BBS9: variants seen among roughly 807,000 people sequenced by gnomAD.
The protein encoded by BBS9 is protein PTHB1.
BBS9 carries 89 observed loss-of-function variants against 117.7 expected under a neutral mutation model. That is an observed-to-expected ratio of 0.76 (90% CI 0.64 to 0.90). The LOEUF (loss-of-function observed/expected upper bound fraction) is 0.90, where lower values mean the gene tolerates loss of function less well. Ranked by LOEUF, BBS9 falls within the 40% of genes least tolerant of loss-of-function variation. BBS9 has a pLI of 0.00. For missense variants in BBS9, 982 were observed against 1,042.2 expected (o/e 0.94, Z 0.80); for synonymous variants, 379 against 370.9 (o/e 1.02, Z -0.25).
chr7:33,134,181 T>G (rs564010000), intron 1 of BBS9, among the ~76,000 whole-genome samples: 36 of 151,568 alleles, frequency 2.4e-4, no homozygotes, highest in Non-Finnish European at 4.4e-4. Context: ...TCCCAAGTAA[T>G]TGGGCTTACA....
intron 19 of BBS9, among the ~76,000 whole-genome samples, chr7:33,412,480 T>C (rs1283382435): frequency 6.6e-6 from 1 of 152,174 alleles, no homozygotes; most frequent in African/African-American, 2.4e-5. Flanking sequence ...GACCAGGAAA[T>C]TATTTTGCTA....
intron 21 of BBS9, among the ~76,000 whole-genome samples, chr7:33,569,040 T>C (rs895775269): frequency 6.6e-6 from 1 of 152,038 alleles, no homozygotes; most frequent in Non-Finnish European, 1.5e-5. Flanking sequence ...TATAAATAAA[T>C]AGATCAATAA....
At chr7:33,577,554 A>G (rs1859130182) in intron 21 of BBS9, among the ~76,000 whole-genome samples, 1 of 152,240 alleles carries the variant, frequency 6.6e-6, no homozygotes, top group Non-Finnish European at 1.5e-5. Flanking sequence ...ATTACTGGGT[A>G]TATACCCAAA....
intron 5 of BBS9, among the ~76,000 whole-genome samples, chr7:33,188,491 G>A (rs1242807087): frequency 6.6e-6 from 1 of 152,156 alleles, no homozygotes; most frequent in Non-Finnish European, 1.5e-5. Context: ...AGGATATAGT[G>A]CTCTTCAAGA....
At chr7:33,331,397 A>G (rs1814009225) in intron 9 of BBS9, among the ~76,000 whole-genome samples, 1 of 152,198 alleles carries the variant, frequency 6.6e-6, no homozygotes, top group Non-Finnish European at 1.5e-5. Flanking sequence ...TTTATTCAAC[A>G]TAGTACTGGA....
chr7:33,378,160 G>A (rs1170001366), intron 17 of BBS9, among the ~76,000 whole-genome samples: 5 of 152,044 alleles, frequency 3.3e-5, no homozygotes, highest in African/African-American at 1.2e-4. Context: ...CCACCCATTT[G>A]TCTTTATCAC....
intron 21 of BBS9, among the ~76,000 whole-genome samples, chr7:33,603,854 A>G (rs1864179662): frequency 6.6e-6 from 1 of 152,182 alleles, no homozygotes; most frequent in Non-Finnish European, 1.5e-5. Flanking sequence ...GAGTTGATGC[A>G]GAGGCGTGGA....
At chr7:33,308,410 G>C (rs529063896) in intron 9 of BBS9, among the ~76,000 whole-genome samples, 5 of 152,186 alleles carry the variant, frequency 3.3e-5, no homozygotes, top group Non-Finnish European at 7.3e-5. Context: ...TTTCATGTAG[G>C]AGTGAAGTAG....
intron 9 of BBS9, among the ~76,000 whole-genome samples, chr7:33,284,781 A>G (rs548595664): frequency 4.0e-5 from 6 of 151,896 alleles, no homozygotes; most frequent in African/African-American, 1.2e-4. Context: ...TTTGTGTTCC[A>G]TATCAGTTTT....
chr7:33,215,437 A>G (rs1197909474), intron 5 of BBS9, among the ~76,000 whole-genome samples: 1 of 152,250 alleles, frequency 6.6e-6, no homozygotes, highest in Non-Finnish European at 1.5e-5. Flanking sequence ...ATTGAGTAAC[A>G]ATATGCAGAA....
At chr7:33,250,555 G>A (rs1001692563) in intron 5 of BBS9, among the ~76,000 whole-genome samples, 3 of 152,186 alleles carry the variant, frequency 2.0e-5, no homozygotes, top group African/African-American at 7.2e-5. Context: ...TCTGTAAGGG[G>A]AGCCTTTGGT....
intron 19 of BBS9, among the ~76,000 whole-genome samples, chr7:33,392,342 T>C (rs1434687320): frequency 6.6e-6 from 1 of 152,216 alleles, no homozygotes; most frequent in African/African-American, 2.4e-5. Context: ...AGCTGGTGGC[T>C]CAGCTCGGGA....
intron 21 of BBS9, among the ~76,000 whole-genome samples, chr7:33,593,975 A>G (rs1173806055): frequency 6.6e-6 from 1 of 152,160 alleles, no homozygotes; most frequent in Non-Finnish European, 1.5e-5. Context: ...AAGTGAGTCT[A>G]AATTCTAACC....
At chr7:33,163,849 T>G (rs1348455672) in intron 4 of BBS9, among the ~76,000 whole-genome samples, 1 of 152,194 alleles carries the variant, frequency 6.6e-6, no homozygotes, top group Non-Finnish European at 1.5e-5. Flanking sequence ...TCTCTGATCT[T>G]AGTTATTTCT....
intron 9 of BBS9, among the ~76,000 whole-genome samples, chr7:33,334,842 A>G (rs1814965910): frequency 6.6e-6 from 1 of 152,210 alleles, no homozygotes; most frequent in Non-Finnish European, 1.5e-5. Flanking sequence ...CCTGCGTCCT[A>G]GTCTAGTTCT....
intron 3 of BBS9, among the ~76,000 whole-genome samples, chr7:33,153,144 T>C (rs967632073): frequency 4.6e-5 from 7 of 152,198 alleles, no homozygotes; most frequent in African/African-American, 1.7e-4. Flanking sequence ...AAATAAGAAG[T>C]ATCTACTTAT....
At chr7:33,375,595 C>CTTT (rs11344728) in intron 17 of BBS9, among the ~76,000 whole-genome samples, 1 of 127,460 alleles carries the variant, frequency 7.8e-6, no homozygotes, top group African/African-American at 2.9e-5. Context: ...TTCTTTCTTT[C>CTTT]TTTTTTTTTT....
At chr7:33,564,624 T>A (rs1585274213) in intron 21 of BBS9, among the ~76,000 whole-genome samples, 1 of 152,336 alleles carries the variant, frequency 6.6e-6, no homozygotes, top group East Asian at 1.9e-4. Context: ...TTGCGTCAGA[T>A]GTTCTGAAAC....
chr7:33,326,473 A>G (rs111922774), intron 9 of BBS9, among the ~76,000 whole-genome samples: 5 of 151,546 alleles, frequency 3.3e-5, no homozygotes, highest in Admixed American at 6.6e-5. Flanking sequence ...TTGGTGCTCT[A>G]CTCCACTGCA....
Sources: allele counts gnomAD v4.1 joint callset (sites outside exome capture counted in the v4.1 genomes callset), GRCh38; gene constraint gnomAD v4.1.1; transcripts MANE v1.5; gene names NCBI Gene and HGNC (gene_info 2026-07-23, HGNC 2026-07-21).